CDH19: variants seen among roughly 807,000 people sequenced by gnomAD.
CDH19 encodes cadherin 19.
CDH19 carries 67 observed loss-of-function variants against 64.2 expected under a neutral mutation model. The observed-to-expected ratio is 1.04, with a 90% CI of 0.86 to 1.28. The LOEUF is 1.28. Among genes scored for constraint, CDH19 ranks in the 50% most tolerant of loss-of-function variants. The pLI is 0.00. For missense variants in CDH19, 1,030 were observed against 929.0 expected (o/e 1.11, Z -1.41); for synonymous variants, 346 against 319.3 (o/e 1.08, Z -0.89).
chr18:66,519,026 CA>C (rs964088365), intron 9 of CDH19, among the ~76,000 whole-genome samples: 2 of 152,024 alleles, frequency 1.3e-5, no homozygotes, highest in African/African-American at 4.8e-5. Context: ...GATGACAAAA[CA>C]AAAAAATCAA....
intron 1 of CDH19, among the ~76,000 whole-genome samples, chr18:66,584,079 G>T (rs1240000781): frequency 6.6e-6 from 1 of 152,074 alleles, no homozygotes; most frequent in Admixed American, 6.6e-5. Context: ...TACAGAATGA[G>T]AGAAAATATT....
chr18:66,510,323 G>A (rs750553959), intron 10 of CDH19, among the ~76,000 whole-genome samples: 4 of 150,828 alleles, frequency 2.7e-5, no homozygotes, highest in Non-Finnish European at 5.9e-5. Context: ...TTAAATATGC[G>A]TTTTATTAAA....
In CDH19 at chr18:66,554,409, T is replaced by G. The variant is rs764662706; in HGVS notation, c.606A>C (p.Thr202=). 6.2e-6 allele frequency: 10 copies of G among 1,611,400 alleles called. No individual in the cohort carries two copies. Among genetic ancestry groups the G allele is most frequent in the Non-Finnish European group, 7.6e-6 (9 of 1,178,344 alleles). Residue 202 remains threonine (T), a synonymous_variant, in exon 4 of 12, where the codon ACA becomes ACC. Coordinates refer to ENST00000262150, the MANE Select transcript of CDH19 (RefSeq NM_021153.4). ...QGQPYFSVEP[T]TGVIRISSKM... ...GCTTGTTTCATTCACAAATACCTGT[T>G]GTTGGTTCAACAGAAAAATATGGCT...
chr18:66,571,661 C>T (rs1988106775), intron 2 of CDH19, among the ~76,000 whole-genome samples: 1 of 151,572 alleles, frequency 6.6e-6, no homozygotes, highest in Non-Finnish European at 1.5e-5. Flanking sequence ...AGCTACTTAG[C>T]GTAACAGAAA....
intron 8 of CDH19, chr18:66,532,626 A>G: frequency 2.6e-6 from 1 of 391,958 alleles, no homozygotes; most frequent in Non-Finnish European, 5.1e-6. Context: ...GTTTCTTGGA[A>G]GCTTTAGGAT....
At chr18:66,600,958 A>C (rs1246437262) in intron 1 of CDH19, among the ~76,000 whole-genome samples, 1 of 151,836 alleles carries the variant, frequency 6.6e-6, no homozygotes, top group Non-Finnish European at 1.5e-5. Flanking sequence ...TAGCCCATTT[A>C]TTTCTCATCA....
intron 9 of CDH19, among the ~76,000 whole-genome samples, chr18:66,524,916 AAGGTGGAG>A (rs1986162627): frequency 6.6e-6 from 1 of 152,114 alleles, no homozygotes; most frequent in Non-Finnish European, 1.5e-5. Flanking sequence ...TTCTCATTCT[AAGGTGGAG>A]AGCTGTCAAA....
Position 66,536,013 on chromosome 18 carries a change from T to A in CDH19, c.1215-906A>T, listed in dbSNP as rs1039059932. On this transcript the variant is annotated intron_variant, in intron 7 of 11. Transcript: ENST00000262150. The stretch of plus-strand genomic sequence containing the variant: ...GATTGTGCATGGAAGAAAGCCAAGT[T>A]ACAAATTTCTCCCAAGGGAAAAAAA... Among the ~76,000 whole-genome samples, 32 of 148,502 alleles carry A rather than the reference T, an allele frequency of 2.2e-4. No individual in the cohort carries two copies. The East Asian group carries it at 3.7e-3, about 17-fold the overall frequency.
chr18:66,590,702 TA>T (rs1988719840), intron 1 of CDH19, among the ~76,000 whole-genome samples: 1 of 152,020 alleles, frequency 6.6e-6, no homozygotes, highest in African/African-American at 2.4e-5. Flanking sequence ...TATCACTATG[TA>T]AAGTATTTCC....
At chr18:66,550,635 T>C (rs1599006961) in intron 5 of CDH19, among the ~76,000 whole-genome samples, 1 of 152,216 alleles carries the variant, frequency 6.6e-6, no homozygotes, top group East Asian at 1.9e-4. Context: ...TGACACTCCT[T>C]GCTGCTTCTG....
chr18:66,558,503 C>T (rs556207285), intron 3 of CDH19, among the ~76,000 whole-genome samples: 4 of 151,576 alleles, frequency 2.6e-5, no homozygotes, highest in Admixed American at 6.6e-5. Flanking sequence ...AACTTGTATT[C>T]GGCAGAAATC....
intron 11 of CDH19, among the ~76,000 whole-genome samples, chr18:66,505,612 C>A (rs370138085): frequency 1.4e-5 from 2 of 140,314 alleles, no homozygotes; most frequent in Non-Finnish European, 3.2e-5. Flanking sequence ...AGATGATGAA[C>A]AATTTAACAT....
chr18:66,516,929 G>T (rs1445845360), intron 9 of CDH19, among the ~76,000 whole-genome samples: 2 of 152,062 alleles, frequency 1.3e-5, no homozygotes, highest in Non-Finnish European at 2.9e-5. Context: ...TGGATATGGA[G>T]AATAAAGACT....
Position 66,544,106 on chromosome 18 carries a change from T to C in CDH19, c.1079A>G (p.Gln360Arg), listed in dbSNP as rs144091143. 7.7e-5 allele frequency: 124 copies of C among 1,613,918 alleles called. 2 individuals are homozygous for C. In the Admixed American group the frequency reaches 1.9e-3, roughly 24 times the overall value. Residue 360 changes from glutamine (Q) to arginine (R), a missense_variant, in exon 7 of 12, where the codon CAG becomes CGG. By Grantham distance (43) the Gln-to-Arg change is conservative. Transcript: ENST00000262150. The stretch of plus-strand genomic sequence containing the variant: ...AGGAGGCTCATCAACATCTTCCACC[T>C]GGATCTTAATGAAAGTGGTGGAAGC... Reference protein sequence around the residue: ...TEASTTFIKIQVEDVDEPPLF... With the variant: ...TEASTTFIKIRVEDVDEPPLF...
intron 9 of CDH19, among the ~76,000 whole-genome samples, chr18:66,524,265 C>T (rs1340605408): frequency 6.6e-6 from 1 of 151,596 alleles, no homozygotes; most frequent in African/African-American, 2.4e-5. Flanking sequence ...ACAATTATTG[C>T]GCTGCTGCTT....
At chr18:66,592,869 A>G (rs1184048152) in intron 1 of CDH19, among the ~76,000 whole-genome samples, 1 of 151,906 alleles carries the variant, frequency 6.6e-6, no homozygotes, top group East Asian at 1.9e-4. Context: ...GAATGCAGAT[A>G]TATTTTCAAT....
In CDH19 at chr18:66,551,136, T is replaced by C; in HGVS notation, c.733A>G (p.Lys245Glu). 1 of 1,607,298 alleles carries C rather than the reference T, an allele frequency of 6.2e-7. No individual in the cohort carries two copies. Residue 245 changes from lysine (K) to glutamate (E), a missense_variant, in exon 5 of 12, where the codon AAA (lysine) becomes GAA (glutamate). Coordinates refer to ENST00000262150, the MANE Select transcript of CDH19 (RefSeq NM_021153.4). ...TTATTGTCATTAACATCTGAAAGTTTAATTAATACACTTGTTGTTCCAGAC... is the reference window on the plus strand; with the variant it reads ...TTATTGTCATTAACATCTGAAAGTTCAATTAATACACTTGTTGTTCCAGAC... Reference protein sequence around the residue: ...ALSGTTSVLIKLSDVNDNKPI... With the variant: ...ALSGTTSVLIELSDVNDNKPI...
At chr18:66,593,689 C>T (rs1459479545) in intron 1 of CDH19, among the ~76,000 whole-genome samples, 4 of 152,212 alleles carry the variant, frequency 2.6e-5, no homozygotes, top group Middle Eastern at 3.4e-3. Context: ...ATTTCTTCCA[C>T]TAATGTACAC....
chr18:66,528,490 T>G lies in CDH19; in HGVS notation c.1458+1355A>C, dbSNP rs143220592. On this transcript the variant is annotated intron_variant, in intron 9 of 11. Coordinates refer to ENST00000262150, the MANE Select transcript of CDH19 (RefSeq NM_021153.4). ...CCCAAATCCTTGGGTTCTAACCCAT[T>G]AGAAATGAGTGCTTTAAATTTTTAA... is the stretch of plus-strand genomic sequence containing the variant. 2.8e-3 allele frequency among the ~76,000 whole-genome samples: 420 copies of G among 152,300 alleles called. 2 individuals are homozygous for G. Among genetic ancestry groups the G allele is most frequent in the Non-Finnish European group, 2.5e-3 (167 of 68,002 alleles).
Sources: allele counts gnomAD v4.1 joint callset (sites outside exome capture counted in the v4.1 genomes callset), GRCh38; gene constraint gnomAD v4.1.1; transcripts MANE v1.5; gene names NCBI Gene and HGNC (gene_info 2026-07-23, HGNC 2026-07-21).